The following AFAP1 variants were observed in gnomAD, a reference collection of about 807,000 sequenced individuals.
AFAP1 encodes actin filament associated protein 1, also known as actin filament-associated protein 1.
In AFAP1, 75 loss-of-function variants were observed where a neutral mutation model predicts 93.9. The observed-to-expected ratio is 0.80, with a 90% confidence interval of 0.66 to 0.97. The LOEUF is 0.97. Ranked by LOEUF, AFAP1 falls within the 50% of genes least tolerant of loss-of-function variation. The pLI is 0.00. For synonymous variants in AFAP1, 517 were observed against 430.7 expected (o/e 1.20, Z -2.48); for missense variants, 1,201 against 1,050.8 (o/e 1.14, Z -1.98).
chr4:7,806,066 A>C (rs1269675763), intron 9 of AFAP1, among the ~76,000 whole-genome samples: 1 of 152,196 alleles, frequency 6.6e-6, no homozygotes, highest in Non-Finnish European at 1.5e-5. Flanking sequence ...GGTGACAATA[A>C]TTCCAGGACT....
intron 16 of AFAP1, 81 bp from the exon 17 acceptor site, chr4:7,769,089 AG>A: frequency 6.8e-7 from 1 of 1,476,136 alleles, no homozygotes; most frequent in Non-Finnish European, 9.0e-7. Flanking sequence ...ATTTATTTCA[AG>A]GAAGAAATAA....
intron 4 of AFAP1, among the ~76,000 whole-genome samples, chr4:7,844,843 C>T (rs1313563177): frequency 1.3e-5 from 2 of 152,198 alleles, no homozygotes; most frequent in South Asian, 2.1e-4. Flanking sequence ...CCCCTCAGCC[C>T]CCAGAATCAT....
At chr4:7,807,785 G>A (rs866853737) in intron 9 of AFAP1, among the ~76,000 whole-genome samples, 8 of 152,174 alleles carry the variant, frequency 5.3e-5, no homozygotes, top group African/African-American at 1.9e-4. Context: ...GAAAGCTGCC[G>A]AGGAGCTGAG....
rs1480939503 is a variant in AFAP1 at position 7,834,994 on chromosome 4, G to T, written c.726+3530C>A. Among the ~76,000 whole-genome samples, 3 of 137,592 alleles carry T rather than the reference G, an allele frequency of 2.2e-5. 1 individual carries two copies. In the East Asian group the frequency reaches 9.1e-4, roughly 42 times the overall value. The allele number at this position is 137,592 out of a possible 152,430, so 90.3% of individuals were successfully genotyped here. ...CCTGGGTGGCTCTTGAATGGACTGC[G>T]GGCTGCCTTACAGTTACCTGGGTGG... is the stretch of plus-strand genomic sequence containing the variant. On this transcript the variant is annotated intron_variant, in intron 6 of 17. Transcript: ENST00000420658.
rs1577275182 is a variant in AFAP1, at chr4:7,838,553, T to C, written c.697A>G (p.Ser233Gly). ...AGCCACTGCTCGGCCTGTTCCTTGC[T>C]CTGGACGGCGAGAACAAGCGGGTCC... ...GTDPLVLAVQ[S>G]KEQAEQWLKV... The change falls in exon 6 of 18, where the codon AGC becomes GGC. Residue 233 changes from serine (S) to glycine (G), a missense_variant. By Grantham distance (56) the Ser-to-Gly change is moderately conservative (BLOSUM62 0). Coordinates refer to ENST00000420658, the MANE Select transcript of AFAP1 (RefSeq NM_001134647.2). 1 of 1,614,064 alleles carries C rather than the reference T, an allele frequency of 6.2e-7. No homozygotes were observed. The highest frequency in any genetic ancestry group is 8.5e-7 in the Non-Finnish European group (1 of 1,179,964).
intron 10 of AFAP1, among the ~76,000 whole-genome samples, chr4:7,794,808 G>A (rs904087979): frequency 1.3e-5 from 2 of 152,134 alleles, no homozygotes; most frequent in East Asian, 1.9e-4. Flanking sequence ...TTACAGTTGT[G>A]AGCCACCATG....
At chr4:7,772,769 C>A (rs766750495) in intron 16 of AFAP1, 51 bp downstream of exon 16, 32 of 1,564,668 alleles carry the variant, frequency 2.0e-5, no homozygotes, top group Non-Finnish European at 2.5e-5. Flanking sequence ...CACTGGCCCT[C>A]GGCCACGCAA....
intron 6 of AFAP1, among the ~76,000 whole-genome samples, chr4:7,837,459 C>T (rs1307902732): frequency 6.6e-6 from 1 of 152,220 alleles, no homozygotes; most frequent in Admixed American, 6.5e-5. Context: ...AACCAGGAAG[C>T]AGGCCCTCAC....
At chr4:7,842,302 A>C (rs1318505405) in intron 5 of AFAP1, among the ~76,000 whole-genome samples, 2 of 10,050 alleles carry the variant, frequency 2.0e-4, no homozygotes, top group East Asian at 7.2e-3. Context: ...CTGGATTTAC[A>C]AAAAAAAAAA....
Position 7,855,590 on chromosome 4 carries a change from A to G in AFAP1, c.226-16T>C, listed in dbSNP as rs768426450. 7 of 1,572,404 alleles carry G rather than the reference A, an allele frequency of 4.5e-6. No individual in the cohort carries two copies. In the South Asian group the frequency reaches 7.8e-5, roughly 17 times the overall value. On this transcript the variant is annotated splice_polypyrimidine_tract_variant and intron_variant, in intron 3 of 17. Transcript: ENST00000420658. ...TGTCAGGAGGCTGAGGAAGAAAGGAAAAGTGACACAGAAATTAGCATGACC... is the reference window on the plus strand; with the variant it reads ...TGTCAGGAGGCTGAGGAAGAAAGGAGAAGTGACACAGAAATTAGCATGACC...
chr4:7,795,909 C>T (rs1718373797), intron 10 of AFAP1, among the ~76,000 whole-genome samples: 1 of 152,016 alleles, frequency 6.6e-6, no homozygotes, highest in Non-Finnish European at 1.5e-5. Context: ...AAAAATAATA[C>T]TGTGGTGTTG....
chr4:7,887,285 C>A lies in AFAP1; in HGVS notation c.-2-15205G>T, dbSNP rs137897531. On this transcript the variant is annotated intron_variant, in intron 1 of 17. Transcript: ENST00000420658. The stretch of plus-strand genomic sequence containing the variant: ...TCACTAAAAACAAGAACAATTAAGT[C>A]ACTGCAAAATATTTGGGTATCTAAG... Among the ~76,000 whole-genome samples the A allele has an allele frequency of 2.8e-3, 420 of 152,222 alleles. 3 individuals are homozygous for A. In the East Asian group the frequency reaches 0.033, roughly 12 times the overall value.
Position 7,789,601 on chromosome 4 carries a change from T to C in AFAP1, c.1413-3290A>G, listed in dbSNP as rs114740323. Among the ~76,000 whole-genome samples, 1,117 of 143,310 alleles carry C rather than the reference T, an allele frequency of 7.8e-3. 148 individuals carry two copies. The highest frequency in any genetic ancestry group is 0.029 in the African/African-American group (1,034 of 35,310). The allele number at this position is 143,310 out of a possible 152,430, so 94.0% of individuals were successfully genotyped here. A position where few individuals can be genotyped will look rare whatever the true frequency, so the allele number is the denominator to read the frequency against. On this transcript the variant is annotated intron_variant, in intron 11 of 17. Transcript: ENST00000420658. ...CCCCACGCTCCGCACCAGCCGCTGC[T>C]TTCCATCCTCTTCATCCTCACCATC...
At chr4:7,838,400 A>C (rs899989856) in intron 6 of AFAP1, 124 bp downstream of exon 6, 2 of 1,179,294 alleles carry the variant, frequency 1.7e-6, no homozygotes, top group East Asian at 2.6e-5. Context: ...ATTAAAGACA[A>C]AACTCTTTGG....
At chr4:7,784,585 G>A (rs1717089577) in intron 12 of AFAP1, among the ~76,000 whole-genome samples, 1 of 152,166 alleles carries the variant, frequency 6.6e-6, no homozygotes, top group Non-Finnish European at 1.5e-5. Flanking sequence ...TTTAGAATCA[G>A]GTGGGGGCCT....
rs10009556 is a variant in AFAP1 at position 7,896,262 on chromosome 4, T to A, written c.-2-24182A>T. On this transcript the variant is annotated intron_variant, in intron 1 of 17. Coordinates refer to ENST00000420658, the MANE Select transcript of AFAP1 (RefSeq NM_001134647.2). ...CCACCATTAAAAGAGGTTTTTTACA[T>A]ACACCTTTGGTTTTCCAGCTAAGGA... is the stretch of plus-strand genomic sequence containing the variant. 8.5e-3 allele frequency among the ~76,000 whole-genome samples: 1,288 copies of A among 152,250 alleles called. 20 individuals carry two copies. Among genetic ancestry groups the A allele is most frequent in the African/African-American group, 0.03 (1,237 of 41,536 alleles).
intron 1 of AFAP1, among the ~76,000 whole-genome samples, chr4:7,937,008 T>C (rs182214022): frequency 1.4e-4 from 21 of 152,256 alleles, no homozygotes; most frequent in Middle Eastern, 3.4e-3. Flanking sequence ...TGAAACATAC[T>C]TCACATGACA....
intron 3 of AFAP1, among the ~76,000 whole-genome samples, chr4:7,867,106 TAGAGG>T (rs1716499103): frequency 3.6e-5 from 1 of 28,072 alleles, no homozygotes; most frequent in Non-Finnish European, 6.2e-5. Context: ...GAGAGGGGAG[TAGAGG>T]GGAGGGGAGG....
rs750511513 is a variant in AFAP1, at chr4:7,800,589, CTTG to C, written c.1116_1118del (p.Asn372del). On this transcript the variant is annotated inframe_deletion, in exon 10 of 18. Transcript: ENST00000420658. The stretch of plus-strand genomic sequence containing the variant: ...CGGTCCTGTCCTTGTGGAAAATGAG[CTTG>C]TTATCTTTCACTCGGCACCAGCGCT... 4.3e-6 allele frequency: 7 copies of C among 1,614,084 alleles called. No homozygotes were observed. The highest frequency in any genetic ancestry group is 2.2e-5 in the East Asian group (1 of 44,898).
Sources: gnomAD v4.1 joint callset for allele counts (sites outside exome capture counted in the v4.1 genomes callset) on GRCh38, gnomAD v4.1.1 for gene constraint, MANE v1.5 for transcripts, NCBI Gene and HGNC (gene_info 2026-07-23, HGNC 2026-07-21) for gene names.